Variants in LRRTM4 observed in about 807,000 individuals in gnomAD.
LRRTM4 encodes leucine-rich repeat transmembrane neuronal protein 4.
In LRRTM4, 25 loss-of-function variants were observed where a neutral mutation model predicts 47.6. The ratio of observed to expected loss-of-function variants is 0.53; its 90% CI spans 0.38 to 0.73. The LOEUF is 0.73. Ranked by LOEUF, LRRTM4 falls within the 30% of genes least tolerant of loss-of-function variation. LRRTM4 has a pLI of 0.00. For missense variants in LRRTM4, 638 were observed against 713.4 expected (o/e 0.89, Z 1.20); for synonymous variants, 311 against 269.5 (o/e 1.15, Z -1.51).
chr2:76,854,135 C>A (rs773220290), intron 3 of LRRTM4, among the ~76,000 whole-genome samples: 1 of 152,116 alleles, frequency 6.6e-6, no homozygotes, highest in African/African-American at 2.4e-5. Flanking sequence ...AATGCAATTA[C>A]ATTACGAGAA....
At chr2:76,979,168 C>T (rs1676513828) in intron 3 of LRRTM4, among the ~76,000 whole-genome samples, 1 of 151,982 alleles carries the variant, frequency 6.6e-6, no homozygotes, top group South Asian at 2.1e-4. Context: ...TGCATAGGAT[C>T]ACATATCAGG....
chr2:76,750,735 T>G (rs1157544130), intron 3 of LRRTM4, among the ~76,000 whole-genome samples: 19 of 152,210 alleles, frequency 1.2e-4, no homozygotes, highest in Admixed American at 1.2e-3. Context: ...CTCTTAAAAC[T>G]AGCTCTAGTA....
chr2:76,978,118 G>A (rs957234648), intron 3 of LRRTM4, among the ~76,000 whole-genome samples: 1 of 151,898 alleles, frequency 6.6e-6, no homozygotes, highest in Non-Finnish European at 1.5e-5. Context: ...AAAAACATTT[G>A]CCCTCTCATA....
At chr2:77,078,460 A>T (rs1221025541) in intron 3 of LRRTM4, among the ~76,000 whole-genome samples, 1 of 152,166 alleles carries the variant, frequency 6.6e-6, no homozygotes, top group African/African-American at 2.4e-5. Context: ...AATTAGCGAT[A>T]AAGTGACAAA....
chr2:77,152,529 C>T (rs1157631589), intron 3 of LRRTM4, among the ~76,000 whole-genome samples: 2 of 151,956 alleles, frequency 1.3e-5, no homozygotes, highest in Admixed American at 6.6e-5. Context: ...GGGGTTTCAC[C>T]GTGTTAGCCA....
At chr2:76,922,014 GATTA>G (rs1319074646) in intron 3 of LRRTM4, among the ~76,000 whole-genome samples, 2 of 152,020 alleles carry the variant, frequency 1.3e-5, no homozygotes, top group Non-Finnish European at 2.9e-5. Flanking sequence ...TCTGTTGACA[GATTA>G]ATTAAAAAAG....
intron 3 of LRRTM4, among the ~76,000 whole-genome samples, chr2:77,450,063 T>A (rs1159567891): frequency 6.6e-6 from 1 of 152,160 alleles, no homozygotes; most frequent in Non-Finnish European, 1.5e-5. Flanking sequence ...AAGTAACATA[T>A]AACAGACATG....
chr2:77,134,135 AT>A lies in LRRTM4; in HGVS notation c.1551+384182del, dbSNP rs1671871959. On this transcript the variant is annotated intron_variant, in intron 3 of 3. Transcript: ENST00000409884. ...TATATGATATATATGTATATATTTCATACTGCAAATCCAAAAATTTCTATAA... is the reference window on the plus strand; with the variant it reads ...TATATGATATATATGTATATATTTCAACTGCAAATCCAAAAATTTCTATAA... Among the ~76,000 whole-genome samples, 3 of 152,242 alleles carry A rather than the reference AT, an allele frequency of 2.0e-5. No individual in the cohort carries two copies. In the South Asian group the frequency reaches 6.2e-4, roughly 32 times the overall value.
intron 3 of LRRTM4, among the ~76,000 whole-genome samples, chr2:77,448,294 G>A (rs1272219906): frequency 6.6e-6 from 1 of 152,072 alleles, no homozygotes; most frequent in African/African-American, 2.4e-5. Context: ...TGAGATGATT[G>A]GCAAGGCCAG....
At chr2:76,931,062 G>A (rs1674752845) in intron 3 of LRRTM4, among the ~76,000 whole-genome samples, 1 of 151,970 alleles carries the variant, frequency 6.6e-6, no homozygotes, top group Non-Finnish European at 1.5e-5. Flanking sequence ...TTGTTTTACA[G>A]CAGTTATCTT....
At chr2:77,171,683 C>G (rs1456852993) in intron 3 of LRRTM4, among the ~76,000 whole-genome samples, 2 of 151,170 alleles carry the variant, frequency 1.3e-5, no homozygotes, top group Non-Finnish European at 2.9e-5. Context: ...AAAATATATA[C>G]AAACCAAAAA....
chr2:77,342,108 C>CCAATACACT (rs998007598), intron 3 of LRRTM4, among the ~76,000 whole-genome samples: 21 of 151,986 alleles, frequency 1.4e-4, no homozygotes, highest in African/African-American at 4.8e-4. Context: ...ATGTACTATA[C>CCAATACACT]CAATACACTC....
At chr2:76,851,569 A>G (rs958154879) in intron 3 of LRRTM4, among the ~76,000 whole-genome samples, 5 of 151,718 alleles carry the variant, frequency 3.3e-5, no homozygotes, top group Non-Finnish European at 5.9e-5. Flanking sequence ...GAAATCATGG[A>G]GACTATTCCT....
chr2:76,869,008 A>C (rs1478912169), intron 3 of LRRTM4, among the ~76,000 whole-genome samples: 1 of 151,888 alleles, frequency 6.6e-6, no homozygotes. Flanking sequence ...TGTGTTTTAA[A>C]AGCTAATAAA....
intron 3 of LRRTM4, among the ~76,000 whole-genome samples, chr2:76,826,916 G>A (rs1671206151): frequency 6.6e-6 from 1 of 151,878 alleles, no homozygotes; most frequent in South Asian, 2.1e-4. Flanking sequence ...CATGAGAGTG[G>A]CTTCCAGCCA....
At chr2:76,785,019 C>CTATAGTTGTCACTCTTATA (rs1674598995) in intron 3 of LRRTM4, among the ~76,000 whole-genome samples, 1 of 152,018 alleles carries the variant, frequency 6.6e-6, no homozygotes, top group Non-Finnish European at 1.5e-5. Context: ...GGAAAACTTT[C>CTATAGTTGTCACTCTTATA]TATAGTTGTC....
intron 3 of LRRTM4, among the ~76,000 whole-genome samples, chr2:77,376,396 T>A (rs1672841597): frequency 6.6e-6 from 1 of 151,528 alleles, no homozygotes; most frequent in Non-Finnish European, 1.5e-5. Context: ...CCACAGTTTG[T>A]GCTGATTTCA....
intron 3 of LRRTM4, among the ~76,000 whole-genome samples, chr2:77,099,883 T>C (rs1284544214): frequency 6.6e-6 from 1 of 152,048 alleles, no homozygotes; most frequent in Non-Finnish European, 1.5e-5. Flanking sequence ...TATTATTCAC[T>C]GTCACTTATG....
chr2:76,795,484 G>C (rs915557794), intron 3 of LRRTM4, among the ~76,000 whole-genome samples: 1 of 151,966 alleles, frequency 6.6e-6, no homozygotes, highest in Non-Finnish European at 1.5e-5. Context: ...CATTGTGTAG[G>C]TGTTAATAAT....
Sources: gnomAD v4.1 joint callset for allele counts (sites outside exome capture counted in the v4.1 genomes callset) on GRCh38, gnomAD v4.1.1 for gene constraint, MANE v1.5 for transcripts, NCBI Gene and HGNC (gene_info 2026-07-23, HGNC 2026-07-21) for gene names.